PHF6: variants seen among roughly 807,000 people sequenced by gnomAD.
PHF6 encodes PHD finger protein 6, also known as PHD-like zinc finger protein.
A neutral mutation model predicts 34.0 loss-of-function variants in PHF6; 7 were observed. That is an observed-to-expected ratio of 0.21 (90% confidence interval 0.12 to 0.39). The LOEUF is 0.39. Ranked by LOEUF, PHF6 falls within the 10% of genes least tolerant of loss-of-function variation. The pLI, the probability that PHF6 is intolerant of heterozygous loss-of-function variation, is 1.00. For missense variants in PHF6, 128 were observed against 262.8 expected, an observed-to-expected ratio of 0.49 and a Z score of 3.55; for synonymous variants, 89 against 88.4, an observed-to-expected ratio of 1.01 and a Z score of -0.04.
intron 3 of PHF6, among the ~76,000 whole-genome samples, chrX:134,392,831 G>T (rs1235557602): frequency 9.4e-6 from 1 of 105,984 alleles, no homozygotes; most frequent in Non-Finnish European, 1.9e-5. Flanking sequence ...ACGGAGTCTC[G>T]CTCTGTTGCC....
In PHF6 at chrX:134,380,423, C is replaced by T. The variant is rs964440447; in HGVS notation, c.240+2317C>T. On this transcript the variant is annotated intron_variant, in intron 3 of 10. Transcript: ENST00000370803. ...TTCTGGGATTACAGGTGTGAGCCACCGCGCCCGGCCTTGGACCTATTCGTT... is the reference window on the plus strand; with the variant it reads ...TTCTGGGATTACAGGTGTGAGCCACTGCGCCCGGCCTTGGACCTATTCGTT... Among the ~76,000 whole-genome samples the T allele has an allele frequency of 1.2e-4, 13 of 111,382 alleles. No homozygotes were observed. In the Admixed American group the frequency reaches 1.2e-3, roughly 11 times the overall value.
At chrX:134,387,807 G>A (rs1047131350) in intron 3 of PHF6, among the ~76,000 whole-genome samples, 1 of 111,261 alleles carries the variant, frequency 9.0e-6, no homozygotes, top group Admixed American at 9.6e-5. Flanking sequence ...AATTTAATGA[G>A]TACTTTTCAG....
intron 9 of PHF6, among the ~76,000 whole-genome samples, chrX:134,420,603 T>A (rs1418225711): frequency 9.1e-6 from 1 of 109,442 alleles, no homozygotes; most frequent in Non-Finnish European, 1.9e-5. Flanking sequence ...TTTTGGGGTG[T>A]GGTTGGGGAG....
At chrX:134,406,537 C>G (rs1602710294) in intron 5 of PHF6, among the ~76,000 whole-genome samples, 1 of 111,566 alleles carries the variant, frequency 9.0e-6, no homozygotes, top group African/African-American at 3.3e-5. Flanking sequence ...AGGAAAGGGA[C>G]AGACAGGGCT....
At chrX:134,386,687 A>C (rs2077333194) in intron 3 of PHF6, among the ~76,000 whole-genome samples, 1 of 111,553 alleles carries the variant, frequency 9.0e-6, no homozygotes. Context: ...AAGTGCTGGG[A>C]TTACAGGCGT....
chrX:134,404,737 T>C (rs1469013394), intron 5 of PHF6, among the ~76,000 whole-genome samples: 1 of 111,836 alleles, frequency 8.9e-6, no homozygotes, highest in African/African-American at 3.3e-5. Flanking sequence ...TCCACCACCT[T>C]GATCAGTTAG....
At chrX:134,375,664 T>G (rs1337103331) in intron 1 of PHF6, among the ~76,000 whole-genome samples, 1 of 111,956 alleles carries the variant, frequency 8.9e-6, no homozygotes. Flanking sequence ...ATTATTATGG[T>G]GATTTCAGAG....
At chrX:134,380,642 C>A (rs2077303326) in intron 3 of PHF6, among the ~76,000 whole-genome samples, 1 of 111,261 alleles carries the variant, frequency 9.0e-6, no homozygotes, top group Non-Finnish European at 1.9e-5. Context: ...GAGTTTGAAT[C>A]CCAGCTCTGT....
In PHF6 at chrX:134,426,061, C is replaced by T; in HGVS notation, c.*401C>T. 1 of 157,709 alleles carries T rather than the reference C, an allele frequency of 6.3e-6. No homozygotes were observed. 13.0% of individuals were successfully genotyped at this position (157,709 alleles called of 1,213,427 possible). ...AATTTTCCTTTACAATGCAAACATG[C>T]CACTGGTGGCAGCACATGGTAATTT... On this transcript the variant is annotated 3_prime_UTR_variant, in exon 11 of 11. Transcript: ENST00000370803.
intron 5 of PHF6, among the ~76,000 whole-genome samples, chrX:134,406,086 C>CTTTCTT (rs1556017637): frequency 1.0e-5 from 1 of 97,787 alleles, no homozygotes. Context: ...TTCTTTCTTT[C>CTTTCTT]TTTCTTTCTT....
At chrX:134,390,909 C>T (rs1454808297) in intron 3 of PHF6, among the ~76,000 whole-genome samples, 2 of 108,722 alleles carry the variant, frequency 1.8e-5, no homozygotes, top group African/African-American at 6.7e-5. Context: ...GGCTGTAGAA[C>T]ATTCTCTCAT....
intron 3 of PHF6, among the ~76,000 whole-genome samples, chrX:134,382,324 A>G (rs953369802): frequency 3.6e-5 from 4 of 111,467 alleles, no homozygotes; most frequent in African/African-American, 1.3e-4. Context: ...TTTTTCCAGT[A>G]TGATTTCCAG....
Position 134,427,303 on chromosome X carries a change from T to C in PHF6, c.*1643T>C, listed in dbSNP as rs1359624575. 2 of 163,077 alleles carry C rather than the reference T, an allele frequency of 1.2e-5. No homozygotes were observed. The highest frequency in any genetic ancestry group is 2.4e-5 in the Non-Finnish European group (2 of 84,350). 13.4% of individuals were successfully genotyped at this position (163,077 alleles called of 1,213,427 possible). A position where few individuals can be genotyped will look rare whatever the true frequency, so the allele number is the denominator to read the frequency against. On this transcript the variant is annotated 3_prime_UTR_variant, in exon 11 of 11. Coordinates refer to ENST00000370803, the MANE Select transcript of PHF6 (RefSeq NM_001015877.2). The stretch of plus-strand genomic sequence containing the variant: ...ATGACTTGAAGTGCAAGGACAGATC[T>C]AGATGTTTGTTTACCAAGCTATGTG...
intron 5 of PHF6, among the ~76,000 whole-genome samples, chrX:134,395,737 A>G (rs922514762): frequency 8.9e-6 from 1 of 112,146 alleles, no homozygotes; most frequent in African/African-American, 3.2e-5. Flanking sequence ...GGCTTTTATA[A>G]TACAAAACAA....
intron 3 of PHF6, among the ~76,000 whole-genome samples, chrX:134,386,637 C>T (rs1294904500): frequency 6.3e-5 from 7 of 110,543 alleles, no homozygotes; most frequent in African/African-American, 9.9e-5. Flanking sequence ...AGGATGGTCT[C>T]GATCTCCTGA....
At chrX:134,415,168 C>T (rs2077467790) in intron 8 of PHF6, 48 bp downstream of exon 8, 1 of 1,207,236 alleles carries the variant, frequency 8.3e-7, no homozygotes, top group Non-Finnish European at 1.1e-6. Flanking sequence ...TGATTTGCTG[C>T]TTTAAATTTA....
intron 5 of PHF6, among the ~76,000 whole-genome samples, chrX:134,406,297 C>A (rs1482594507): frequency 9.0e-6 from 1 of 110,519 alleles, no homozygotes; most frequent in African/African-American, 3.3e-5. Flanking sequence ...TTAAAGCAGC[C>A]TTGTAAGAAA....
intron 5 of PHF6, among the ~76,000 whole-genome samples, chrX:134,406,062 TTTTCTTTCTTTCTTTC>T (rs775639514): frequency 0.027 from 2,092 of 78,033 alleles, 26 homozygotes; most frequent in Non-Finnish European, 0.039. Context: ...TCCTTTTTCT[TTTTCTTTCTTTCTTTC>T]TTTCTTTCTT....
chrX:134,380,076 G>A (rs2077299892), intron 3 of PHF6, among the ~76,000 whole-genome samples: 1 of 110,228 alleles, frequency 9.1e-6, no homozygotes, highest in Non-Finnish European at 1.9e-5. Flanking sequence ...AATGCCTAGT[G>A]TTACACTACA....
Sources: allele counts gnomAD v4.1 joint callset (sites outside exome capture counted in the v4.1 genomes callset), GRCh38; gene constraint gnomAD v4.1.1; transcripts MANE v1.5; gene names NCBI Gene and HGNC (gene_info 2026-07-23, HGNC 2026-07-21).